Variants in CDCP1 observed in about 807,000 individuals in gnomAD.
CDCP1 encodes CUB domain-containing protein 1.
CDCP1 carries 29 observed loss-of-function variants against 60.2 expected under a neutral mutation model. The ratio of observed to expected loss-of-function variants is 0.48; its 90% confidence interval spans 0.36 to 0.66. CDCP1 has a LOEUF of 0.66. Ranked by LOEUF, CDCP1 falls within the 30% of genes least tolerant of loss-of-function variation. The pLI is 0.00. For synonymous variants in CDCP1, 387 were observed against 431.1 expected (o/e 0.90, Z 1.27); for missense variants, 876 against 1,074.3 (o/e 0.82, Z 2.58).
chr3:45,122,969 G>C (rs1698912291), intron 1 of CDCP1, among the ~76,000 whole-genome samples: 1 of 151,622 alleles, frequency 6.6e-6, no homozygotes, highest in Non-Finnish European at 1.5e-5. Context: ...CAAGGGCTCT[G>C]GGAATCTGTA....
rs930277934 is a variant in CDCP1 at position 45,112,525 on chromosome 3, C to T, written c.293-80G>A. The T allele has an allele frequency of 3.9e-6, 6 of 1,537,400 alleles. No individual in the cohort carries two copies. In the East Asian group the frequency reaches 1.4e-4, roughly 35 times the overall value. ...CACTCCTCCTCCACCACTCAGCCCCCTGTAGTAGACTCTTTGGGGCTCCCC... is the reference window on the plus strand; with the variant it reads ...CACTCCTCCTCCACCACTCAGCCCCTTGTAGTAGACTCTTTGGGGCTCCCC... On this transcript the variant is annotated intron_variant, in intron 2 of 8. Coordinates refer to ENST00000296129, the MANE Select transcript of CDCP1 (RefSeq NM_022842.5).
Position 45,124,392 on chromosome 3 carries a change from C to T in CDCP1, c.83-5771G>A, listed in dbSNP as rs149317418. Among the ~76,000 whole-genome samples the T allele has an allele frequency of 9.2e-5, 14 of 152,274 alleles. No homozygotes were observed. The East Asian group carries it at 1.9e-3, about 21-fold the overall frequency. On this transcript the variant is annotated intron_variant, in intron 1 of 8. Coordinates refer to ENST00000296129, the MANE Select transcript of CDCP1 (RefSeq NM_022842.5). ...GTGGTTGCCTGTGGGACTCGGCTCT[C>T]ATTCACCTTCTCTGTCCAAGGAAGA... is the stretch of plus-strand genomic sequence containing the variant.
intron 4 of CDCP1, chr3:45,110,099 G>T: frequency 3.2e-6 from 2 of 623,690 alleles, no homozygotes; most frequent in Admixed American, 4.9e-5. Context: ...GTCCATAGTA[G>T]GGGTGCTGAG....
At chr3:45,088,787 G>A (rs1221279305) in intron 8 of CDCP1, among the ~76,000 whole-genome samples, 1 of 152,124 alleles carries the variant, frequency 6.6e-6, no homozygotes, top group Non-Finnish European at 1.5e-5. Flanking sequence ...ACAGCACTCT[G>A]CTTGCAGGGG....
At chr3:45,110,444 G>A in intron 4 of CDCP1, 29 bp downstream of exon 4, 1 of 1,608,940 alleles carries the variant, frequency 6.2e-7, no homozygotes, top group South Asian at 1.1e-5. Context: ...GCTGGAGGAG[G>A]AAGAAAAAGG....
chr3:45,130,974 C>A (rs148811967), intron 1 of CDCP1, among the ~76,000 whole-genome samples: 1 of 152,120 alleles, frequency 6.6e-6, no homozygotes, highest in African/African-American at 2.4e-5. Flanking sequence ...TCACGCAATC[C>A]GCCCACCTCA....
intron 1 of CDCP1, among the ~76,000 whole-genome samples, chr3:45,131,261 C>T (rs185228888): frequency 8.6e-5 from 13 of 151,912 alleles, no homozygotes; most frequent in African/African-American, 3.1e-4. Flanking sequence ...TAAATAAACC[C>T]TGCAAATATT....
chr3:45,095,540 A>G lies in CDCP1; in HGVS notation c.1053T>C (p.Asn351=), dbSNP rs1293313356. The part of the protein sequence containing the change: ...SNKIYVVDLS[N]ERAMSLTIEP... Reference sequence around the variant, plus strand: ...CGATGGTGAGTGACATGGCTCGCTCATTACTCAAGTCAACCACGTAGATTT... The same window carrying G: ...CGATGGTGAGTGACATGGCTCGCTCGTTACTCAAGTCAACCACGTAGATTT... The change falls in exon 5 of 9, where the codon AAT becomes AAC. Residue 351 remains asparagine, a synonymous_variant. Transcript: ENST00000296129. 6.2e-7 allele frequency: 1 copy of G among 1,614,134 alleles called. No individual in the cohort carries two copies. Among genetic ancestry groups the G allele is most frequent in the Non-Finnish European group, 8.5e-7 (1 of 1,180,030 alleles).
Position 45,110,648 on chromosome 3 carries a change from G to C in CDCP1, c.849C>G (p.Tyr283Ter), listed in dbSNP as rs780183988. The change falls in exon 4 of 9, where the codon TAC (tyrosine) becomes TAG (stop). Residue 283 changes from tyrosine to a stop codon, truncating the protein, a stop_gained. Transcript: ENST00000296129. LOFTEE classifies it high-confidence loss of function. ...NCERKEERVE[Y>*]YIPGSTTNPE... ...GGTTGGTGGTGGAGCCCGGGATGTA[G>C]TATTCAACCCGCTCCTCCTTCCTCT... is the stretch of plus-strand genomic sequence containing the variant. 6.2e-7 allele frequency: 1 copy of C among 1,614,196 alleles called. No individual in the cohort carries two copies. Among genetic ancestry groups the C allele is most frequent in the Non-Finnish European group, 8.5e-7 (1 of 1,180,026 alleles).
At chr3:45,134,418 C>A (rs1380782628) in intron 1 of CDCP1, among the ~76,000 whole-genome samples, 1 of 152,228 alleles carries the variant, frequency 6.6e-6, no homozygotes, top group Non-Finnish European at 1.5e-5. Flanking sequence ...GCCACCGCGC[C>A]CGGCCCAGAT....
chr3:45,113,638 C>T (rs1698735747), intron 2 of CDCP1, among the ~76,000 whole-genome samples: 1 of 152,172 alleles, frequency 6.6e-6, no homozygotes, highest in Non-Finnish European at 1.5e-5. Flanking sequence ...CTAATTTTTG[C>T]AAAGCAGCTG....
At chr3:45,112,480 G>A in intron 2 of CDCP1, 35 bp from the exon 3 acceptor site, 2 of 1,592,680 alleles carry the variant, frequency 1.3e-6, no homozygotes, top group Non-Finnish European at 1.7e-6. Flanking sequence ...TTTGATCACA[G>A]ATGCTCCAAG....
Position 45,093,521 on chromosome 3 carries a change from C to T in CDCP1, c.1383G>A (p.Leu461=). Residue 461 remains leucine (L), a synonymous_variant, in exon 6 of 9, where the codon CTG becomes CTA. Transcript: ENST00000296129. ...LVPKDRLSLV[L]VPAQKLQQHT... ...GCTGCTGCAGCTTCTGGGCTGGCAC[C>T]AGCACCAGGCTGAGCCTGTCCTTGG... The T allele has an allele frequency of 6.2e-7, 1 of 1,614,158 alleles. No individual in the cohort carries two copies. The highest frequency in any genetic ancestry group is 8.5e-7 in the Non-Finnish European group (1 of 1,179,970).
At chr3:45,127,596 T>C (rs1448340958) in intron 1 of CDCP1, among the ~76,000 whole-genome samples, 1 of 152,212 alleles carries the variant, frequency 6.6e-6, no homozygotes, top group African/African-American at 2.4e-5. Context: ...GGCTTCTGCT[T>C]TGGCTTCACA....
In CDCP1 at chr3:45,091,729, T is replaced by C. The variant is rs1698299678; in HGVS notation, c.1628-191A>G. On this transcript the variant is annotated intron_variant, in intron 6 of 8. Coordinates refer to ENST00000296129, the MANE Select transcript of CDCP1 (RefSeq NM_022842.5). This position sits in a 1 kb window ranked among gnomAD's most constrained non-coding sequence, Gnocchi z 4.8. ...CACCAGCTATATGTCTGCTGAGCCT[T>C]GAAATGTGCCCAGCATGACCAAAGA... 1.3e-5 allele frequency among the ~76,000 whole-genome samples: 2 copies of C among 152,252 alleles called. No individual in the cohort carries two copies. Among genetic ancestry groups the C allele is most frequent in the African/African-American group, 4.8e-5 (2 of 41,470 alleles).
chr3:45,107,675 A>G (rs1349748509), intron 4 of CDCP1, among the ~76,000 whole-genome samples: 1 of 152,226 alleles, frequency 6.6e-6, no homozygotes, highest in Non-Finnish European at 1.5e-5. Context: ...CAACTGGGTC[A>G]CAAAGAGGTG....
chr3:45,091,172 C>A lies in CDCP1; in HGVS notation c.1993+1G>T, dbSNP rs776302990. 6.2e-7 allele frequency: 1 copy of A among 1,609,150 alleles called. No homozygotes were observed. Among genetic ancestry groups the A allele is most frequent in the South Asian group, 1.1e-5 (1 of 90,992 alleles). On this transcript the variant is annotated splice_donor_variant, in intron 7 of 8. Coordinates refer to ENST00000296129, the MANE Select transcript of CDCP1 (RefSeq NM_022842.5). LOFTEE classifies it high-confidence loss of function. This position sits in a 1 kb window ranked among gnomAD's most constrained non-coding sequence, Gnocchi z 4.8. ...TCCCCAAAGACCCTGAAGGCCCTTA[C>A]CCACAGTCCTTGGGGTAAGTGTCAC...
Position 45,085,747 on chromosome 3 carries a change from G to A in CDCP1, c.2402C>T (p.Ser801Phe), listed in dbSNP as rs1698178335. The change falls in exon 9 of 9, where the codon TCT becomes TTT. Residue 801 changes from serine (S) to phenylalanine (F), a missense_variant. Transcript: ENST00000296129. This position sits in a 1 kb window ranked among gnomAD's most constrained non-coding sequence, Gnocchi z 4.2. The stretch of plus-strand genomic sequence containing the variant: ...GGAGAAGGTGTACGGTTCACTCTCA[G>A]ACTCAGGAGGGGAGCGAGGAGGTGG... ...EEPPPRSPPE[S>F]ESEPYTFSHP... 3 of 1,614,070 alleles carry A rather than the reference G, an allele frequency of 1.9e-6. No homozygotes were observed. The highest frequency in any genetic ancestry group is 2.5e-6 in the Non-Finnish European group (3 of 1,180,038).
intron 1 of CDCP1, among the ~76,000 whole-genome samples, chr3:45,141,211 A>AG (rs1438791131): frequency 6.6e-6 from 1 of 152,020 alleles, no homozygotes; most frequent in African/African-American, 2.4e-5. Context: ...AAAAAAAAAA[A>AG]GAATGTCAGG....
Sources: gnomAD v4.1 joint callset for allele counts (sites outside exome capture counted in the v4.1 genomes callset) on GRCh38, gnomAD v4.1.1 for gene constraint, Gnocchi (gnomAD v3.1) non-coding constraint, MANE v1.5 for transcripts, NCBI Gene and HGNC (gene_info 2026-07-23, HGNC 2026-07-21) for gene names.